NAT1: variants seen among roughly 807,000 people sequenced by gnomAD.
NAT1 encodes the protein N-acetyltransferase 1.
For missense variants in NAT1, 400 were observed against 339.2 expected (o/e 1.18, Z -1.41); for synonymous variants, 144 against 122.6 (o/e 1.17, Z -1.16).
At chr8:18,199,482 G>A (rs867215855) in intron 2 of NAT1, among the ~76,000 whole-genome samples, 2 of 152,022 alleles carry the variant, frequency 1.3e-5, no homozygotes, top group African/African-American at 4.8e-5. Flanking sequence ...TAGAGACCCT[G>A]AGACCCCTTA....
At chr8:18,175,845 C>T (rs1400127517) in intron 2 of NAT1, among the ~76,000 whole-genome samples, 3 of 152,102 alleles carry the variant, frequency 2.0e-5, no homozygotes, top group Non-Finnish European at 2.9e-5. Context: ...ACAAGGGTTT[C>T]CTATTCTCCA....
At chr8:18,195,278 A>G (rs1049142789) in intron 2 of NAT1, among the ~76,000 whole-genome samples, 1 of 152,208 alleles carries the variant, frequency 6.6e-6, no homozygotes, top group East Asian at 1.9e-4. Flanking sequence ...GGTTAGTGAG[A>G]GTGAAGGAGG....
At chr8:18,177,426 A>G (rs1440279479) in intron 2 of NAT1, among the ~76,000 whole-genome samples, 1 of 152,110 alleles carries the variant, frequency 6.6e-6, no homozygotes, top group Non-Finnish European at 1.5e-5. Flanking sequence ...AAAATTGTAA[A>G]ATTTACAAAC....
upstream of NAT1, among the ~76,000 whole-genome samples, chr8:18,208,016 C>A (rs1803798958): frequency 6.7e-6 from 1 of 150,364 alleles, no homozygotes. Context: ...GACAAAGGAG[C>A]AGAAAACCAA....
At chr8:18,183,792 G>C (rs1447492560) in intron 2 of NAT1, among the ~76,000 whole-genome samples, 1 of 152,162 alleles carries the variant, frequency 6.6e-6, no homozygotes, top group Non-Finnish European at 1.5e-5. Context: ...AAGAAGAAAG[G>C]GGTAGCAGGT....
chr8:18,192,653 T>C (rs1448424140), intron 2 of NAT1, among the ~76,000 whole-genome samples: 1 of 152,068 alleles, frequency 6.6e-6, no homozygotes, highest in Non-Finnish European at 1.5e-5. Flanking sequence ...TGGAATACTA[T>C]GCAGCCATAA....
Position 18,199,436 on chromosome 8 carries a change from T to G in NAT1, n.93-10345T>G, listed in dbSNP as rs1278413844. On this transcript the variant is annotated intron_variant and non_coding_transcript_variant, in intron 2 of 4. Coordinates refer to the NAT1 transcript ENST00000517441. Reference sequence around the variant, plus strand: ...CCTGTTCTTCCTTCCTTTTGCCATCTTTGATATCACACGAAAAAAATCTAG... The same window carrying G: ...CCTGTTCTTCCTTCCTTTTGCCATCGTTGATATCACACGAAAAAAATCTAG... Among the ~76,000 whole-genome samples, 2 of 152,150 alleles carry G rather than the reference T, an allele frequency of 1.3e-5. 1 individual carries two copies. The highest frequency in any genetic ancestry group is 3.8e-4 in the East Asian group (2 of 5,196).
chr8:18,219,445 T>C lies in NAT1; in HGVS notation c.-51T>C, dbSNP rs775524488. The C allele has an allele frequency of 1.1e-4, 163 of 1,550,628 alleles. No individual in the cohort carries two copies. Among genetic ancestry groups the C allele is most frequent in the Non-Finnish European group, 1.4e-4 (158 of 1,146,564 alleles). On this transcript the variant is annotated 5_prime_UTR_variant, in exon 2 of 3. Transcript: ENST00000307719. ...CAGGAAGAAGCAGCAATCTGTCTTC[T>C]GGATTAAAACTGAAGATCAACCTAC...
At chr8:18,195,228 G>A (rs977369984) in intron 2 of NAT1, among the ~76,000 whole-genome samples, 2 of 152,112 alleles carry the variant, frequency 1.3e-5, no homozygotes. Context: ...TTTCAAATTC[G>A]CAGATCACCA....
chr8:18,222,685 C>T lies in NAT1; in HGVS notation c.638C>T (p.Pro213Leu). The T allele has an allele frequency of 1.9e-6, 3 of 1,613,972 alleles. No individual in the cohort carries two copies. Among genetic ancestry groups the T allele is most frequent in the Non-Finnish European group, 2.5e-6 (3 of 1,179,978 alleles). The change falls in exon 3 of 3, where the codon CCA becomes CTA. Residue 213 changes from proline to leucine, a missense_variant. Coordinates refer to ENST00000307719, the MANE Select transcript of NAT1 (RefSeq NM_000662.8). ...ATGAATACATACCTGCAGACATCTC[C>T]ATCATCTGTGTTTACTAGTAAATCA... ...ESMNTYLQTS[P>L]SSVFTSKSFC...
Position 18,216,995 on chromosome 8 carries a change from G to A in NAT1, c.-85-2416G>A, listed in dbSNP as rs747101092. Reference sequence around the variant, plus strand: ...TCTCTGATGATCACCATGTTTCTGGGTCAGTACCCTGGATGCAGTACCTCC... The same window carrying A: ...TCTCTGATGATCACCATGTTTCTGGATCAGTACCCTGGATGCAGTACCTCC... On this transcript the variant is annotated intron_variant, in intron 1 of 2. Coordinates refer to ENST00000307719, the MANE Select transcript of NAT1 (RefSeq NM_000662.8). The A allele has an allele frequency of 8.4e-6, 13 of 1,547,666 alleles. No individual in the cohort carries two copies. The African/African-American group carries it at 1.8e-4, about 21-fold the overall frequency.
chr8:18,202,373 A>C (rs771613236), intron 2 of NAT1, among the ~76,000 whole-genome samples: 2 of 152,220 alleles, frequency 1.3e-5, no homozygotes, highest in Non-Finnish European at 2.9e-5. Context: ...GCGCGAAGGG[A>C]AACTATTTGA....
chr8:18,207,703 G>A (rs565400805), upstream of NAT1, among the ~76,000 whole-genome samples: 40 of 152,318 alleles, frequency 2.6e-4, no homozygotes, highest in African/African-American at 9.1e-4. Context: ...GGAAGATGGT[G>A]TGGCAATTCC....
At chr8:18,194,630 G>A (rs1693960230) in intron 2 of NAT1, among the ~76,000 whole-genome samples, 1 of 151,992 alleles carries the variant, frequency 6.6e-6, no homozygotes. Flanking sequence ...GACCAGCCTG[G>A]CCAACATGGT....
chr8:18,221,691 C>CT (rs1725426424), intron 2 of NAT1: 1 of 202,366 alleles, frequency 4.9e-6, no homozygotes, highest in Admixed American at 5.4e-5. Flanking sequence ...ATTCTCCTGC[C>CT]TACATCAGAA....
At chr8:18,172,650 C>G (rs953234455) in intron 2 of NAT1, among the ~76,000 whole-genome samples, 35 of 152,136 alleles carry the variant, frequency 2.3e-4, no homozygotes, top group African/African-American at 8.4e-4. Context: ...TAACACTCAG[C>G]CTTTTATTAT....
At chr8:18,205,422 C>T (rs753817326), upstream of NAT1, among the ~76,000 whole-genome samples, 31 of 152,154 alleles carry the variant, frequency 2.0e-4, no homozygotes, top group East Asian at 9.7e-4. Context: ...AGTGGTTGTT[C>T]GGGGCAGGTG....
At chr8:18,181,374 A>T (rs1313054706) in intron 2 of NAT1, among the ~76,000 whole-genome samples, 3 of 152,180 alleles carry the variant, frequency 2.0e-5, no homozygotes, top group Non-Finnish European at 4.4e-5. Flanking sequence ...TTCTTCACAG[A>T]AATAGAAAAA....
At chr8:18,202,911 G>C (rs532355204) in intron 2 of NAT1, among the ~76,000 whole-genome samples, 1 of 152,230 alleles carries the variant, frequency 6.6e-6, no homozygotes, top group African/African-American at 2.4e-5. Context: ...CTGCTGATTG[G>C]TCCATTTTAG....
Sources: allele counts gnomAD v4.1 joint callset (sites outside exome capture counted in the v4.1 genomes callset), GRCh38; gene constraint gnomAD v4.1.1; transcripts MANE v1.5; gene names NCBI Gene and HGNC (gene_info 2026-07-23, HGNC 2026-07-21).